The following TRIM44 variants were observed in gnomAD, a reference collection of about 807,000 sequenced individuals.
The protein encoded by TRIM44 is tripartite motif containing 44.
TRIM44 carries 13 observed loss-of-function variants against 37.4 expected under a neutral mutation model. That is an observed-to-expected ratio of 0.35 (90% CI 0.23 to 0.55). The LOEUF (loss-of-function observed/expected upper bound fraction) is 0.55, where lower values mean the gene tolerates loss of function less well. Ranked by LOEUF, TRIM44 falls within the 20% of genes least tolerant of loss-of-function variation. TRIM44 has a pLI of 0.89. For synonymous variants in TRIM44, 175 were observed against 157.2 expected, an observed-to-expected ratio of 1.11 and a Z score of -0.85; for missense variants, 426 against 437.2, an observed-to-expected ratio of 0.97 and a Z score of 0.23.
chr11:35,663,433 G>C lies in TRIM44; in HGVS notation c.322G>C (p.Glu108Gln), dbSNP rs1168699539. 6.4e-7 allele frequency: 1 copy of C among 1,570,834 alleles called. No homozygotes were observed. Among genetic ancestry groups the C allele is most frequent in the Non-Finnish European group, 8.6e-7 (1 of 1,157,366 alleles). Residue 108 changes from glutamate (E) to glutamine (Q), a missense_variant, in exon 1 of 5, where the codon GAG becomes CAG. Physicochemically the swap from Glu to Gln is conservative, Grantham distance 29. Around this residue, in one of 2 missense-constraint regions of TRIM44, gnomAD observed 331 missense variants for 303.0 expected, o/e 1.09. Coordinates refer to ENST00000299413, the MANE Select transcript of TRIM44 (RefSeq NM_017583.6). ...ESESEEESES[E>Q]EESETEEESE... The stretch of plus-strand genomic sequence containing the variant: ...TGAGTCGGAGGAAGAGAGCGAGTCA[G>C]AGGAAGAGAGCGAGACAGAGGAAGA...
chr11:35,754,180 C>A (rs1432362352), intron 4 of TRIM44, among the ~76,000 whole-genome samples: 2 of 152,104 alleles, frequency 1.3e-5, no homozygotes, highest in African/African-American at 4.8e-5. Context: ...CTTTAGTAAT[C>A]TTTACTAATC....
intron 4 of TRIM44, among the ~76,000 whole-genome samples, chr11:35,743,476 T>C (rs112764435): frequency 7.9e-5 from 12 of 152,356 alleles, no homozygotes; most frequent in African/African-American, 2.9e-4. Context: ...CATCTTACTA[T>C]ACTTAAAGGA....
At chr11:35,759,743 G>C (rs369470869) in intron 4 of TRIM44, among the ~76,000 whole-genome samples, 167 of 152,302 alleles carry the variant, frequency 1.1e-3, no homozygotes, top group Non-Finnish European at 2.0e-3. Context: ...AGGTCTGTTG[G>C]AGTTTCCTGG....
chr11:35,714,925 G>A (rs1385092217), intron 2 of TRIM44, among the ~76,000 whole-genome samples: 1 of 152,060 alleles, frequency 6.6e-6, no homozygotes, highest in Non-Finnish European at 1.5e-5. Context: ...GTGTCTCTGG[G>A]GACACATTCT....
At chr11:35,681,952 CTTTTTTTT>C (rs35760830) in intron 1 of TRIM44, among the ~76,000 whole-genome samples, 58 of 101,372 alleles carry the variant, frequency 5.7e-4, no homozygotes, top group Admixed American at 7.8e-4. Context: ...ATGTCCCATA[CTTTTTTTT>C]TTTTTTTTTT....
At chr11:35,710,523 G>T (rs1485809352) in intron 2 of TRIM44, among the ~76,000 whole-genome samples, 1 of 152,212 alleles carries the variant, frequency 6.6e-6, no homozygotes, top group African/African-American at 2.4e-5. Context: ...TCCCAAAGAG[G>T]TAGCTTTGAG....
chr11:35,680,757 T>C (rs1479916632), intron 1 of TRIM44, among the ~76,000 whole-genome samples: 1 of 152,198 alleles, frequency 6.6e-6, no homozygotes, highest in Non-Finnish European at 1.5e-5. Flanking sequence ...CATATGGAAG[T>C]CCCCAATTTC....
At chr11:35,723,312 G>C (rs1330351023) in intron 2 of TRIM44, among the ~76,000 whole-genome samples, 1 of 152,126 alleles carries the variant, frequency 6.6e-6, no homozygotes, top group African/African-American at 2.4e-5. Flanking sequence ...TGACCATACA[G>C]TGGTCAAAAT....
At chr11:35,699,697 GA>G (rs1468534763) in intron 2 of TRIM44, among the ~76,000 whole-genome samples, 1 of 151,558 alleles carries the variant, frequency 6.6e-6, no homozygotes, top group Non-Finnish European at 1.5e-5. Flanking sequence ...TGTATATCTA[GA>G]AAATGCCGTC....
At chr11:35,757,042 CCT>C (rs1275961798) in intron 4 of TRIM44, among the ~76,000 whole-genome samples, 2 of 152,116 alleles carry the variant, frequency 1.3e-5, no homozygotes, top group Admixed American at 1.3e-4. Context: ...GGGAGGATTC[CCT>C]CTTTTTCTGT....
Position 35,695,189 on chromosome 11 carries a change from G to A in TRIM44, c.747+9853G>A, listed in dbSNP as rs369021772. Among the ~76,000 whole-genome samples, 10 of 152,142 alleles carry A rather than the reference G, an allele frequency of 6.6e-5. No homozygotes were observed. The South Asian group carries it at 8.3e-4, about 13-fold the overall frequency. On this transcript the variant is annotated intron_variant, in intron 2 of 4. Coordinates refer to ENST00000299413, the MANE Select transcript of TRIM44 (RefSeq NM_017583.6). ...GGATCATTTTTATCTTCTCTACGAC[G>A]AGTCATGGAATGCTTTAAGGACTCA...
intron 4 of TRIM44, among the ~76,000 whole-genome samples, chr11:35,759,911 G>A (rs541026674): frequency 2.0e-5 from 3 of 152,288 alleles, no homozygotes; most frequent in Non-Finnish European, 4.4e-5. Context: ...CCCTTACTGG[G>A]GGCTGTCTCC....
rs2133890373 is a variant in TRIM44 at position 35,814,026 on chromosome 11, C to A, written c.*7641C>A. ...TAATAACTAGAATACAGATCAAATT[C>A]TGTTACAACAAATACTGCTACCATA... On this transcript the variant is annotated 3_prime_UTR_variant, in exon 5 of 5. Coordinates refer to ENST00000299413, the MANE Select transcript of TRIM44 (RefSeq NM_017583.6). The A allele has an allele frequency of 6.6e-6, 1 of 152,178 alleles. No individual in the cohort carries two copies. Among genetic ancestry groups the A allele is most frequent in the East Asian group, 1.9e-4 (1 of 5,194 alleles). The allele number at this position is 152,178 out of a possible 1,614,324, so 9.4% of individuals were successfully genotyped here.
chr11:35,668,326 A>T (rs977976516), intron 1 of TRIM44, among the ~76,000 whole-genome samples: 3 of 152,220 alleles, frequency 2.0e-5, no homozygotes, highest in African/African-American at 7.2e-5. Context: ...TATTAAGCCC[A>T]GCATCCATTA....
rs182303221 is a variant in TRIM44 at position 35,806,229 on chromosome 11, G to T, written c.1008-129G>T. 655 of 969,160 alleles carry T rather than the reference G, an allele frequency of 6.8e-4. 10 individuals are homozygous for T. In the Admixed American group the frequency reaches 0.013, roughly 19 times the overall value. The allele number at this position is 969,160 out of a possible 1,614,324, so 60.0% of individuals were successfully genotyped here. On this transcript the variant is annotated intron_variant, in intron 4 of 4. Coordinates refer to ENST00000299413, the MANE Select transcript of TRIM44 (RefSeq NM_017583.6). ...GAAGTAACTTGCCTTTGGCCATATT[G>T]CTCAATCATGGTAGTTAAGACTTAA... is the stretch of plus-strand genomic sequence containing the variant.
At position 35,799,661 on chromosome 11, in the gene TRIM44, G is replaced by A. The variant is rs114840900; in HGVS notation, c.1008-6697G>A. ...AACCTAGTTCTATTATTTACAAGTC[G>A]TGTACCTTAAGCAGGTCTTGCAGCC... is the stretch of plus-strand genomic sequence containing the variant. On this transcript the variant is annotated intron_variant, in intron 4 of 4. Transcript: ENST00000299413. 5.9e-4 allele frequency among the ~76,000 whole-genome samples: 90 copies of A among 152,210 alleles called. 1 individual carries two copies. Among genetic ancestry groups the A allele is most frequent in the African/African-American group, 2.0e-3 (85 of 41,520 alleles).
In TRIM44 at chr11:35,663,493, G is replaced by A. The variant is rs953877671; in HGVS notation, c.382G>A (p.Asp128Asn). The A allele has an allele frequency of 1.3e-6, 2 of 1,576,642 alleles. No individual in the cohort carries two copies. Among genetic ancestry groups the A allele is most frequent in the African/African-American group, 2.7e-5 (2 of 73,970 alleles). The change falls in exon 1 of 5, where the codon GAC becomes AAC. Residue 128 changes from aspartate to asparagine, a missense_variant. Around this residue, in one of 2 missense-constraint regions of TRIM44, gnomAD observed 331 missense variants for 303.0 expected, o/e 1.09. Transcript: ENST00000299413. ...EDESDEESEE[D>N]SEEEMEDEQE... is the part of the protein sequence containing the mutation. ...TGAGAGCGATGAGGAGAGTGAAGAAGACAGCGAGGAAGAAATGGAGGATGA... is the reference window on the plus strand; with the variant it reads ...TGAGAGCGATGAGGAGAGTGAAGAAAACAGCGAGGAAGAAATGGAGGATGA...
chr11:35,742,837 A>G (rs370393943), intron 4 of TRIM44, among the ~76,000 whole-genome samples: 22 of 144,682 alleles, frequency 1.5e-4, no homozygotes, highest in Middle Eastern at 3.6e-3. Flanking sequence ...ATACATTAAT[A>G]TCATTAATAT....
At chr11:35,756,971 T>C (rs1352246429) in intron 4 of TRIM44, among the ~76,000 whole-genome samples, 1 of 152,200 alleles carries the variant, frequency 6.6e-6, no homozygotes, top group African/African-American at 2.4e-5. Flanking sequence ...AATTCTCTTT[T>C]TTTGTTGTGT....
Sources: allele counts gnomAD v4.1 joint callset (sites outside exome capture counted in the v4.1 genomes callset), GRCh38; gene constraint gnomAD v4.1.1; regional missense constraint gnomAD v4.1.1; transcripts MANE v1.5; gene names NCBI Gene and HGNC (gene_info 2026-07-23, HGNC 2026-07-21).